The following CACNA1E variants were observed in gnomAD, a reference collection of about 807,000 sequenced individuals.
CACNA1E encodes calcium voltage-gated channel subunit alpha1 E.
In CACNA1E, 40 loss-of-function variants were observed where a neutral mutation model predicts 259.2. The observed-to-expected ratio is 0.15, with a 90% confidence interval of 0.12 to 0.20. CACNA1E has a LOEUF of 0.20. Among genes scored for constraint, CACNA1E ranks in the 10% least tolerant of loss-of-function variants. The pLI is 1.00. For missense variants in CACNA1E, 1,874 were observed against 3,040.1 expected, an observed-to-expected ratio of 0.62 and a Z score of 9.02; for synonymous variants, 1,104 against 1,138.5, an observed-to-expected ratio of 0.97 and a Z score of 0.61.
intron 46 of CACNA1E, 33 bp from the exon 47 acceptor site, chr1:181,796,635 G>A (rs1213260338): frequency 2.0e-6 from 3 of 1,519,344 alleles, no homozygotes; most frequent in East Asian, 2.3e-5. Context: ...AGTGGACAGA[G>A]TTATAACCAA....
intron 45 of CACNA1E, among the ~76,000 whole-genome samples, chr1:181,794,142 C>A (rs188476970): frequency 6.6e-6 from 1 of 152,338 alleles, no homozygotes; most frequent in African/African-American, 2.4e-5. Context: ...CAGTTACTTA[C>A]ACACACAGGT....
chr1:181,792,490 G>A (rs548532813), intron 44 of CACNA1E, among the ~76,000 whole-genome samples: 51 of 152,266 alleles, frequency 3.3e-4, no homozygotes, highest in East Asian at 5.8e-4. Context: ...TTGTTACCAC[G>A]TCTGTCTGGA....
Position 181,798,148 on chromosome 1 carries a change from C to G in CACNA1E, c.6400-144C>G, listed in dbSNP as rs944513145. 4.5e-6 allele frequency: 3 copies of G among 661,162 alleles called. No homozygotes were observed. The highest frequency in any genetic ancestry group is 1.8e-5 in the African/African-American group (1 of 55,656). The allele number at this position is 661,162 out of a possible 1,614,324, so 41.0% of individuals were successfully genotyped here. ...CCTTAATCTCTTCAATCCCTTTTTC[C>G]CTGAGTGGATGTGAATACTACAGGG... On this transcript the variant is annotated intron_variant, in intron 47 of 47. Coordinates refer to ENST00000367573, the MANE Select transcript of CACNA1E (RefSeq NM_001205293.3). The surrounding 1 kb of genome is among the most constrained non-coding windows in gnomAD (Gnocchi z 4.2).
Position 181,790,433 on chromosome 1 carries a change from A to G in CACNA1E, c.5787-12A>G, listed in dbSNP as rs777313122. The G allele has an allele frequency of 5.8e-6, 9 of 1,559,694 alleles. No individual in the cohort carries two copies. Among genetic ancestry groups the G allele is most frequent in the Non-Finnish European group, 8.0e-6 (9 of 1,130,600 alleles). On this transcript the variant is annotated splice_polypyrimidine_tract_variant and intron_variant, in intron 43 of 47. Transcript: ENST00000367573. The stretch of plus-strand genomic sequence containing the variant: ...GTCCCTCATTACCTCTGGATTTGAC[A>G]TTGCTTTTCAGGAGTGGCCGGAGTG...
chr1:181,710,897 T>A, intron 7 of CACNA1E, 57 bp from the exon 8 acceptor site: 1 of 1,217,690 alleles, frequency 8.2e-7, no homozygotes, highest in Non-Finnish European at 1.2e-6. Flanking sequence ...TGATTCACTC[T>A]TTCCCTTAGT....
rs548236133 is a variant in CACNA1E at position 181,758,777 on chromosome 1, C to G, written c.4514C>G (p.Thr1505Ser). Residue 1505 changes from threonine to serine, a missense_variant, in exon 32 of 48, where the codon ACC (threonine) becomes AGC (serine). Coordinates refer to ENST00000367573, the MANE Select transcript of CACNA1E (RefSeq NM_001205293.3). This position sits in a 1 kb window ranked among gnomAD's most constrained non-coding sequence, Gnocchi z 4.2. ...TGGCAGTATTATTCTGCTCCCTGTA[C>G]CTATGAGCTGGCCCTGAAGTACCTG... Reference protein sequence around the residue: ...LMMKYYSAPCTYELALKYLNI... With the variant: ...LMMKYYSAPCSYELALKYLNI... 6.2e-7 allele frequency: 1 copy of G among 1,600,950 alleles called. No homozygotes were observed. Among genetic ancestry groups the G allele is most frequent in the Non-Finnish European group, 8.6e-7 (1 of 1,168,064 alleles).
chr1:181,721,688 G>T, intron 15 of CACNA1E, 70 bp from the exon 16 acceptor site: 1 of 894,030 alleles, frequency 1.1e-6, no homozygotes. Flanking sequence ...CCCAGAATTT[G>T]CCCTTGGCAT....
At chr1:181,793,994 C>A (rs995360527) in intron 45 of CACNA1E, among the ~76,000 whole-genome samples, 1 of 152,184 alleles carries the variant, frequency 6.6e-6, no homozygotes, top group African/African-American at 2.4e-5. Flanking sequence ...AACAGCCCAG[C>A]GAACAAAATT....
chr1:181,422,058 C>T (rs184316844), intron 2 of CACNA1E, among the ~76,000 whole-genome samples: 40 of 152,328 alleles, frequency 2.6e-4, no homozygotes, highest in Admixed American at 2.1e-3. Flanking sequence ...TGGCTCCTGC[C>T]GTTGCCTGGA....
intron 35 of CACNA1E, among the ~76,000 whole-genome samples, chr1:181,767,400 C>T (rs1329196135): frequency 6.6e-6 from 1 of 152,196 alleles, no homozygotes; most frequent in Non-Finnish European, 1.5e-5. Flanking sequence ...TTCTGCTTGT[C>T]TCCAGAGGGC....
At chr1:181,498,845 C>A (rs1665006381) in intron 1 of CACNA1E, among the ~76,000 whole-genome samples, 1 of 152,158 alleles carries the variant, frequency 6.6e-6, no homozygotes, top group African/African-American at 2.4e-5. Flanking sequence ...CTAGTCCCTT[C>A]TTTCTCTTCT....
chr1:181,329,247 C>T (rs1378987828), intron 1 of CACNA1E, among the ~76,000 whole-genome samples: 2 of 152,102 alleles, frequency 1.3e-5, no homozygotes, highest in Non-Finnish European at 2.9e-5. Context: ...ATTACCAAGA[C>T]CAAACCATCT....
intron 1 of CACNA1E, among the ~76,000 whole-genome samples, chr1:181,505,755 A>G (rs990154929): frequency 6.6e-6 from 1 of 152,096 alleles, no homozygotes; most frequent in Non-Finnish European, 1.5e-5. Context: ...ATGTGTGTCT[A>G]CAGTGGACAG....
At chr1:181,715,287 G>C in intron 8 of CACNA1E, 51 bp from the exon 9 acceptor site, 7 of 1,133,446 alleles carry the variant, frequency 6.2e-6, no homozygotes, top group Non-Finnish European at 9.2e-6. Context: ...TAATCTTGCA[G>C]AATAATTTGG....
Position 181,803,514 on chromosome 1 carries a change from A to G in CACNA1E, c.*4680A>G, listed in dbSNP as rs1662423516. 1 of 152,174 alleles carries G rather than the reference A, an allele frequency of 6.6e-6. No individual in the cohort carries two copies. 9.4% of individuals were successfully genotyped at this position (152,174 alleles called of 1,614,324 possible). A position where few individuals can be genotyped will look rare whatever the true frequency, so the allele number is the denominator to read the frequency against. The stretch of plus-strand genomic sequence containing the variant: ...TCTTTTGTTGTTTCTTTCCTGAACC[A>G]CCCTGTACATCATAGCCAGGTCTAC... On this transcript the variant is annotated 3_prime_UTR_variant, in exon 48 of 48. Transcript: ENST00000367573.
chr1:181,781,322 C>T, intron 38 of CACNA1E, 105 bp from the exon 39 acceptor site: 2 of 672,234 alleles, frequency 3.0e-6, no homozygotes, highest in Non-Finnish European at 2.8e-6. Context: ...GCCTATTCTC[C>T]TCTCCTATCT....
Position 181,366,098 on chromosome 1 carries a change from T to G in CACNA1E, c.-14-47035T>G, listed in dbSNP as rs182205565. On this transcript the variant is annotated intron_variant, in intron 1 of 11. Coordinates refer to the CACNA1E transcript ENST00000524607. ...AAGGCTGATGAATGGAACCTGGGCC[T>G]GGGGCCTCCAGAGAACAGGACTCCC... Among the ~76,000 whole-genome samples the G allele has an allele frequency of 6.6e-5, 10 of 152,284 alleles. No individual in the cohort carries two copies. In the East Asian group the frequency reaches 1.5e-3, roughly 24 times the overall value.
rs942505593 is a variant in CACNA1E at position 181,510,486 on chromosome 1, G to A, written c.276G>A (p.Glu92=). ...AKKLIDWPPF[E]YMILATIIAN... ...AACTCCGCTTTCCCACGCCATTTGA[G>A]TACATGATCCTGGCCACCATCATTG... is the stretch of plus-strand genomic sequence containing the variant. Residue 92 remains glutamate (E), a synonymous_variant, in exon 2 of 48, where the codon GAG becomes GAA. Coordinates refer to ENST00000367573, the MANE Select transcript of CACNA1E (RefSeq NM_001205293.3). The A allele has an allele frequency of 8.1e-6, 13 of 1,613,206 alleles. No homozygotes were observed. Among genetic ancestry groups the A allele is most frequent in the African/African-American group, 1.3e-5 (1 of 74,912 alleles).
chr1:181,659,425 G>A (rs1647376564), intron 7 of CACNA1E, among the ~76,000 whole-genome samples: 3 of 152,242 alleles, frequency 2.0e-5, no homozygotes, highest in African/African-American at 4.8e-5. Context: ...GGCATGAAGA[G>A]AAGCAGAGCT....
Sources: allele counts gnomAD v4.1 joint callset (sites outside exome capture counted in the v4.1 genomes callset), GRCh38; gene constraint gnomAD v4.1.1; non-coding constraint Gnocchi (gnomAD v3.1); transcripts MANE v1.5; gene names NCBI Gene and HGNC (gene_info 2026-07-23, HGNC 2026-07-21).